Variants in ZNF717 observed in about 807,000 individuals in gnomAD.
ZNF717 encodes krueppel-like factor X17.
In ZNF717, 9 loss-of-function variants were observed where a neutral mutation model predicts 13.8. The observed-to-expected ratio is 0.65, with a 90% CI of 0.39 to 1.14. The LOEUF is 1.14. ZNF717 is among the 50% of genes most tolerant of loss of function. The pLI is 0.01. For missense variants in ZNF717, 1,040 were observed against 1,080.7 expected (o/e 0.96, Z 0.53); for synonymous variants, 327 against 364.1 (o/e 0.90, Z 1.16).
At position 75,741,350 on chromosome 3, in the gene ZNF717, G is replaced by C. The variant is rs1424154600; in HGVS notation, c.203C>G (p.Pro68Arg). 1.6e-5 allele frequency: 24 copies of C among 1,547,842 alleles called. No homozygotes were observed. The highest frequency in any genetic ancestry group is 2.0e-5 in the Non-Finnish European group (23 of 1,143,598). ...LVSLGHYITKPEMIFKLEQGA... is the reference protein window; with the variant it reads ...LVSLGHYITKREMIFKLEQGA... ...TTGCTCTAGCTTGAAGATCATCTCA[G>C]GTTTGGTAATGTAATGCCCTGGTAA... The change falls in exon 4 of 5, where the codon CCT becomes CGT. Residue 68 changes from proline (P) to arginine (R), a missense_variant. Pro to Arg is a moderately radical substitution (Grantham distance 103). This residue lies in a region of ZNF717 where 123 missense variants were observed against 177.8 expected (regional missense o/e 0.69). Coordinates refer to ENST00000652011, the MANE Select transcript of ZNF717 (RefSeq NM_001290208.3).
chr3:75,783,338 A>C lies in ZNF717; in HGVS notation c.25T>G (p.Phe9Val). 1 of 1,551,432 alleles carries C rather than the reference A, an allele frequency of 6.4e-7. No individual in the cohort carries two copies. The highest frequency in any genetic ancestry group is 8.7e-7 in the Non-Finnish European group (1 of 1,146,726). MFPVFSGC[F>V]QELQEKNKSL... ...TTATTCTTTTCTTGTAGCTCTTGGA[A>C]ACAGCCAGAGAACACTGGAAACATA... The change falls in exon 2 of 5, where the codon TTC becomes GTC. Residue 9 changes from phenylalanine (F) to valine (V), a missense_variant. Physicochemically the swap from Phe to Val is conservative, Grantham distance 50. This residue lies in a region of ZNF717 where 123 missense variants were observed against 177.8 expected (regional missense o/e 0.69). Transcript: ENST00000652011.
At chr3:75,765,333 T>C (rs1282051755) in intron 2 of ZNF717, among the ~76,000 whole-genome samples, 10 of 152,254 alleles carry the variant, frequency 6.6e-5, no homozygotes, top group South Asian at 2.1e-4. Flanking sequence ...TCTATAAAAC[T>C]GTATACTTAC....
chr3:75,713,964 G>A (rs1937997123), intron 5 of ZNF717, among the ~76,000 whole-genome samples: 1 of 151,998 alleles, frequency 6.6e-6, no homozygotes, highest in African/African-American at 2.4e-5. Flanking sequence ...GCTGAGGTGG[G>A]GAGAGAGAGA....
chr3:75,766,578 A>G (rs1943482640), intron 2 of ZNF717, among the ~76,000 whole-genome samples: 2 of 152,254 alleles, frequency 1.3e-5, no homozygotes, highest in Admixed American at 1.3e-4. Flanking sequence ...CAGGAAGTTG[A>G]CAATCCACAA....
Position 75,738,063 on chromosome 3 carries a change from T to C in ZNF717, c.1560A>G (p.Ser520=). 2 of 1,343,672 alleles carry C rather than the reference T, an allele frequency of 1.5e-6. No individual in the cohort carries two copies. The highest frequency in any genetic ancestry group is 2.0e-6 in the Non-Finnish European group (2 of 1,006,762). 83.2% of individuals were successfully genotyped at this position (1,343,672 alleles called of 1,614,324 possible). A position where few individuals can be genotyped will look rare whatever the true frequency, so the allele number is the denominator to read the frequency against. ...NECGKTFRCK[S]FLTVHQRTHA... ...GAGTTCTCTGATGGACAGTGAGGAA[T>C]GACTTACAGCGAAAGGTTTTCCCAC... is the stretch of plus-strand genomic sequence containing the variant. Residue 520 remains serine (S), a synonymous_variant, in exon 5 of 5, where the codon TCA becomes TCG. Transcript: ENST00000652011.
intron 6 of ZNF717, among the ~76,000 whole-genome samples, chr3:75,702,615 G>A (rs1450616635): frequency 2.6e-5 from 4 of 152,304 alleles, no homozygotes; most frequent in Non-Finnish European, 5.9e-5. Flanking sequence ...AACTAAAAGA[G>A]TATAATTGGA....
intron 4 of ZNF717, among the ~76,000 whole-genome samples, chr3:75,739,987 A>G (rs1940167254): frequency 6.6e-6 from 1 of 152,262 alleles, no homozygotes; most frequent in Non-Finnish European, 1.5e-5. Context: ...CCTGCTTCCC[A>G]GAACCATAAT....
At chr3:75,694,964 A>G (rs1937589170) in intron 6 of ZNF717, among the ~76,000 whole-genome samples, 1 of 152,194 alleles carries the variant, frequency 6.6e-6, no homozygotes, top group Middle Eastern at 3.2e-3. Flanking sequence ...ACAAATAACA[A>G]AATGGCAGGA....
At chr3:75,731,715 C>A (rs1575733742), downstream of ZNF717, among the ~76,000 whole-genome samples, 2 of 152,154 alleles carry the variant, frequency 1.3e-5, no homozygotes, top group Admixed American at 6.5e-5. Context: ...GAGTTTGAGA[C>A]CAGCCTGTGC....
At chr3:75,761,809 G>A (rs1244369110) in intron 2 of ZNF717, among the ~76,000 whole-genome samples, 5 of 152,210 alleles carry the variant, frequency 3.3e-5, no homozygotes, top group South Asian at 4.2e-4. Flanking sequence ...AGGCCAAGGC[G>A]GGTGGACCAA....
At position 75,741,269 on chromosome 3, in the gene ZNF717, G is replaced by A. The variant is rs201879005; in HGVS notation, c.277+7C>T. 18,511 of 725,402 alleles carry A rather than the reference G, an allele frequency of 0.026. No individual in the cohort carries two copies. Among genetic ancestry groups the A allele is most frequent in the Admixed American group, 0.052 (1,182 of 22,708 alleles). The allele number at this position is 725,402 out of a possible 1,614,324, so 44.9% of individuals were successfully genotyped here. A position where few individuals can be genotyped will look rare whatever the true frequency, so the allele number is the denominator to read the frequency against. The stretch of plus-strand genomic sequence containing the variant: ...CAGGCCTCCCTGCCTGGTATTCACT[G>A]ACTGACCTGAAAGTCTCAGGTTTGG... On this transcript the variant is annotated splice_region_variant and intron_variant, in intron 4 of 4. Coordinates refer to ENST00000652011, the MANE Select transcript of ZNF717 (RefSeq NM_001290208.3).
At chr3:75,726,114 G>A (rs1453111413), downstream of ZNF717, among the ~76,000 whole-genome samples, 1 of 152,194 alleles carries the variant, frequency 6.6e-6, no homozygotes, top group Non-Finnish European at 1.5e-5. Context: ...TGCATAACTG[G>A]ACTTCAAAAT....
intron 4 of ZNF717, among the ~76,000 whole-genome samples, chr3:75,717,893 T>C (rs1322475333): frequency 6.6e-6 from 1 of 152,216 alleles, no homozygotes; most frequent in Admixed American, 6.5e-5. Context: ...ATATGGATGA[T>C]TCACCACGTC....
At chr3:75,758,295 G>C (rs115672872) in intron 2 of ZNF717, among the ~76,000 whole-genome samples, 7 of 150,040 alleles carry the variant, frequency 4.7e-5, no homozygotes, top group South Asian at 2.2e-4. Flanking sequence ...CAGCAGCCTC[G>C]GGAGAAAACG....
chr3:75,744,607 G>A (rs1338498629), intron 2 of ZNF717, among the ~76,000 whole-genome samples: 3 of 152,166 alleles, frequency 2.0e-5, no homozygotes, highest in African/African-American at 7.2e-5. Flanking sequence ...GAGGATCCGC[G>A]TGGACAACTC....
At chr3:75,722,827 A>G (rs1436374801) in intron 4 of ZNF717, among the ~76,000 whole-genome samples, 5 of 138,992 alleles carry the variant, frequency 3.6e-5, no homozygotes, top group African/African-American at 7.5e-5. Context: ...AAAAAAATTT[A>G]AGTATTTTTG....
chr3:75,707,894 G>A (rs533567455), downstream of ZNF717, among the ~76,000 whole-genome samples: 52 of 107,072 alleles, frequency 4.9e-4, no homozygotes, highest in Non-Finnish European at 9.1e-4. Context: ...CAGCAGCAAG[G>A]CTGGGGGAGG....
intron 2 of ZNF717, among the ~76,000 whole-genome samples, chr3:75,760,980 T>A (rs1325912908): frequency 1.3e-5 from 2 of 151,452 alleles, no homozygotes; most frequent in African/African-American, 2.4e-5. Context: ...GCCACAGAAA[T>A]GAAAAAGATT....
chr3:75,751,583 C>A (rs1339942223), intron 2 of ZNF717, among the ~76,000 whole-genome samples: 1 of 132,826 alleles, frequency 7.5e-6, no homozygotes, highest in Non-Finnish European at 1.7e-5. Context: ...CCAGAACACG[C>A]CTGTTGTGGT....
Sources: allele counts gnomAD v4.1 joint callset (sites outside exome capture counted in the v4.1 genomes callset), GRCh38; gene constraint gnomAD v4.1.1; regional missense constraint gnomAD v4.1.1; transcripts MANE v1.5; gene names NCBI Gene and HGNC (gene_info 2026-07-23, HGNC 2026-07-21).